Variants in KCNIP4 observed in about 807,000 individuals in gnomAD.
The protein encoded by KCNIP4 is potassium voltage-gated channel interacting protein 4, also known as Kv channel-interacting protein 4.
A neutral mutation model predicts 34.0 loss-of-function variants in KCNIP4; 12 were observed. That is an observed-to-expected ratio of 0.35 (90% CI 0.23 to 0.57). KCNIP4 has a LOEUF of 0.57. Among genes scored for constraint, KCNIP4 ranks in the 20% least tolerant of loss-of-function variants. The pLI is 0.83. For synonymous variants in KCNIP4, 124 were observed against 102.2 expected (o/e 1.21, Z -1.29); for missense variants, 238 against 311.7 (o/e 0.76, Z 1.78).
chr4:20,984,666 G>T (rs1034400631), intron 1 of KCNIP4, among the ~76,000 whole-genome samples: 31 of 152,300 alleles, frequency 2.0e-4, no homozygotes, highest in African/African-American at 7.2e-4. Context: ...CACGTCGGGC[G>T]CATTATCAGG....
chr4:21,259,851 C>A (rs1372828080), intron 1 of KCNIP4, among the ~76,000 whole-genome samples: 2 of 150,436 alleles, frequency 1.3e-5, no homozygotes, highest in South Asian at 2.1e-4. Context: ...GGAACACTAT[C>A]CTGCTGATTG....
At chr4:21,304,567 G>C (rs935762222) in intron 1 of KCNIP4, 6 of 152,276 alleles carry the variant, frequency 3.9e-5, no homozygotes, top group African/African-American at 1.4e-4. Context: ...ACGCTGAGAG[G>C]TGGAGTGACA....
At chr4:20,797,141 T>C (rs1713580653) in intron 3 of KCNIP4, among the ~76,000 whole-genome samples, 1 of 152,230 alleles carries the variant, frequency 6.6e-6, no homozygotes, top group African/African-American at 2.4e-5. Flanking sequence ...TTTTCTGTTT[T>C]TGTCTACATT....
At chr4:20,934,298 A>G (rs1451209480) in intron 1 of KCNIP4, among the ~76,000 whole-genome samples, 1 of 152,136 alleles carries the variant, frequency 6.6e-6, no homozygotes, top group Non-Finnish European at 1.5e-5. Context: ...CTTTAACCCA[A>G]TGTCATGTAG....
intron 1 of KCNIP4, among the ~76,000 whole-genome samples, chr4:21,034,968 C>T (rs760276801): frequency 6.6e-6 from 1 of 152,164 alleles, no homozygotes; most frequent in Non-Finnish European, 1.5e-5. Context: ...AGCCCAGAGG[C>T]AGATGCCTAC....
At chr4:21,211,051 A>T (rs1335739414) in intron 1 of KCNIP4, among the ~76,000 whole-genome samples, 1 of 152,146 alleles carries the variant, frequency 6.6e-6, no homozygotes, top group Non-Finnish European at 1.5e-5. Context: ...ACTGAATTTG[A>T]CTTCTAGTGA....
intron 1 of KCNIP4, among the ~76,000 whole-genome samples, chr4:21,507,785 A>G (rs1393355256): frequency 1.3e-5 from 2 of 152,202 alleles, no homozygotes; most frequent in Admixed American, 6.5e-5. Flanking sequence ...TTATCATCTT[A>G]TAATAAGAAA....
intron 1 of KCNIP4, among the ~76,000 whole-genome samples, chr4:21,670,203 G>A (rs1447289385): frequency 6.6e-6 from 1 of 151,864 alleles, no homozygotes; most frequent in Non-Finnish European, 1.5e-5. Context: ...GAAATACAAC[G>A]TTGCTATTAA....
chr4:20,961,122 A>G (rs1388732570), intron 1 of KCNIP4, among the ~76,000 whole-genome samples: 1 of 152,210 alleles, frequency 6.6e-6, no homozygotes, highest in Admixed American at 6.5e-5. Flanking sequence ...AAAAGGCCTA[A>G]GGAAAAGGAA....
At chr4:21,077,538 A>G (rs1000685003) in intron 1 of KCNIP4, among the ~76,000 whole-genome samples, 3 of 152,132 alleles carry the variant, frequency 2.0e-5, no homozygotes, top group African/African-American at 2.4e-5. Context: ...TTCACGTTTC[A>G]TAATCAGAGT....
intron 1 of KCNIP4, among the ~76,000 whole-genome samples, chr4:21,904,212 C>T (rs1433240475): frequency 6.6e-6 from 1 of 152,164 alleles, no homozygotes; most frequent in Non-Finnish European, 1.5e-5. Flanking sequence ...TCACCTCTTA[C>T]CAAGAGAGCA....
chr4:21,201,654 A>G (rs1360476075), intron 1 of KCNIP4, among the ~76,000 whole-genome samples: 2 of 152,122 alleles, frequency 1.3e-5, no homozygotes, highest in African/African-American at 2.4e-5. Flanking sequence ...GCCCGCCACC[A>G]TGCCTGGCTA....
intron 1 of KCNIP4, among the ~76,000 whole-genome samples, chr4:21,140,096 G>A (rs1577767926): frequency 6.6e-6 from 1 of 151,998 alleles, no homozygotes; most frequent in South Asian, 2.1e-4. Context: ...GAAATTCAAT[G>A]AGCTTTTAAG....
chr4:21,292,255 A>G (rs1313812755), intron 1 of KCNIP4, among the ~76,000 whole-genome samples: 1 of 152,206 alleles, frequency 6.6e-6, no homozygotes, highest in Non-Finnish European at 1.5e-5. Flanking sequence ...CCTTAGCCTC[A>G]TCACACATCT....
chr4:21,094,779 AG>A (rs1229784281), intron 1 of KCNIP4, among the ~76,000 whole-genome samples: 1 of 152,152 alleles, frequency 6.6e-6, no homozygotes, highest in East Asian at 1.9e-4. Flanking sequence ...CCCTATGGAG[AG>A]GTCAATATAA....
At chr4:21,599,264 C>A (rs913394390) in intron 1 of KCNIP4, among the ~76,000 whole-genome samples, 1 of 152,030 alleles carries the variant, frequency 6.6e-6, no homozygotes, top group African/African-American at 2.4e-5. Flanking sequence ...TCAGTCTGTA[C>A]AACCTTTTGA....
intron 1 of KCNIP4, among the ~76,000 whole-genome samples, chr4:20,932,965 A>C (rs1268420217): frequency 6.6e-6 from 1 of 151,996 alleles, no homozygotes; most frequent in African/African-American, 2.4e-5. Context: ...AGAGTAGAAG[A>C]CCAGGCACAG....
At chr4:20,921,310 C>T (rs78833233) in intron 1 of KCNIP4, among the ~76,000 whole-genome samples, 4,756 of 152,104 alleles carry the variant, frequency 0.031, 85 homozygotes, top group Non-Finnish European at 0.039. Context: ...TTACTTTGGC[C>T]GCCATTTGCA....
At chr4:21,149,936 C>A (rs972544717) in intron 1 of KCNIP4, among the ~76,000 whole-genome samples, 2 of 152,014 alleles carry the variant, frequency 1.3e-5, no homozygotes, top group Admixed American at 6.6e-5. Context: ...TTTTATAACA[C>A]CCTAATAATA....
Sources: gnomAD v4.1 joint callset for allele counts (sites outside exome capture counted in the v4.1 genomes callset) on GRCh38, gnomAD v4.1.1 for gene constraint, MANE v1.5 for transcripts, NCBI Gene and HGNC (gene_info 2026-07-23, HGNC 2026-07-21) for gene names.